The following VPS13B variants were observed in gnomAD, a reference collection of about 807,000 sequenced individuals.
The protein encoded by VPS13B is vacuolar protein sorting 13 homolog B.
A neutral mutation model predicts 426.4 loss-of-function variants in VPS13B; 285 were observed. That is an observed-to-expected ratio of 0.67 (90% confidence interval 0.61 to 0.74). The LOEUF is 0.74. Among genes scored for constraint, VPS13B ranks in the 30% least tolerant of loss-of-function variants. VPS13B has a pLI of 0.00. For missense variants in VPS13B, 4,537 were observed against 4,782.6 expected (o/e 0.95, Z 1.51); for synonymous variants, 1,676 against 1,676.4 (o/e 1.00, Z 0.01).
intron 28 of VPS13B, 100 bp downstream of exon 28, chr8:99,507,303 C>G: frequency 7.8e-7 from 1 of 1,283,020 alleles, no homozygotes; most frequent in Non-Finnish European, 1.1e-6. Flanking sequence ...AATTTGAGTT[C>G]AGAATAAATT....
intron 54 of VPS13B, among the ~76,000 whole-genome samples, chr8:99,838,682 A>G (rs1159967987): frequency 3.3e-5 from 5 of 152,208 alleles, no homozygotes; most frequent in Non-Finnish European, 7.3e-5. Context: ...AAGTAATTGC[A>G]CGGGTAGTTG....
chr8:99,409,982 CA>C (rs1427863508), intron 21 of VPS13B, among the ~76,000 whole-genome samples: 1 of 152,042 alleles, frequency 6.6e-6, no homozygotes, highest in Non-Finnish European at 1.5e-5. Context: ...TATGGGTATG[CA>C]AAGGCATACA....
At chr8:99,039,119 T>C (rs1842866800) in intron 3 of VPS13B, among the ~76,000 whole-genome samples, 1 of 152,216 alleles carries the variant, frequency 6.6e-6, no homozygotes, top group South Asian at 2.1e-4. Context: ...GCAGATTGCT[T>C]ATTACTTACA....
chr8:99,546,588 C>T (rs960857708), intron 30 of VPS13B, among the ~76,000 whole-genome samples: 3 of 151,964 alleles, frequency 2.0e-5, no homozygotes, highest in Admixed American at 6.6e-5. Context: ...GATTTATCTA[C>T]ATAATATTGA....
intron 33 of VPS13B, 83 bp downstream of exon 33, chr8:99,577,716 C>T (rs1825843644): frequency 2.7e-6 from 4 of 1,470,724 alleles, no homozygotes; most frequent in Non-Finnish European, 3.8e-6. Flanking sequence ...ATTAAGCTGA[C>T]TGCTTTCTGC....
intron 36 of VPS13B, among the ~76,000 whole-genome samples, chr8:99,708,249 G>A (rs1024822743): frequency 2.0e-5 from 3 of 151,868 alleles, no homozygotes; most frequent in African/African-American, 4.8e-5. Flanking sequence ...TGTAAAAACC[G>A]TGAGCATGGT....
chr8:99,190,367 A>G lies in VPS13B; in HGVS notation c.2334-2509A>G, dbSNP rs1813490514. ...CTTTTTTTTTTTAATATAATCGAAGAATCTCTTCCTTGAATTGGTATGCTT... is the reference window on the plus strand; with the variant it reads ...CTTTTTTTTTTTAATATAATCGAAGGATCTCTTCCTTGAATTGGTATGCTT... On this transcript the variant is annotated intron_variant, in intron 16 of 61. Coordinates refer to ENST00000357162, the MANE Select transcript of VPS13B (RefSeq NM_152564.5). 6.6e-5 allele frequency among the ~76,000 whole-genome samples: 10 copies of G among 151,878 alleles called. No homozygotes were observed. In the South Asian group the frequency reaches 2.1e-3, roughly 32 times the overall value.
At chr8:99,874,580 GCTAC>G (rs948432099) in intron 61 of VPS13B, among the ~76,000 whole-genome samples, 1 of 151,894 alleles carries the variant, frequency 6.6e-6, no homozygotes, top group African/African-American at 2.4e-5. Flanking sequence ...AAGTTTGGTG[GCTAC>G]CTGAGATTCA....
At chr8:99,123,946 AG>A (rs1387769584) in intron 8 of VPS13B, among the ~76,000 whole-genome samples, 1 of 152,210 alleles carries the variant, frequency 6.6e-6, no homozygotes, top group African/African-American at 2.4e-5. Flanking sequence ...ATATGGATCT[AG>A]AATTCAGATT....
intron 19 of VPS13B, among the ~76,000 whole-genome samples, chr8:99,325,749 T>C (rs1051421158): frequency 1.7e-5 from 1 of 59,106 alleles, no homozygotes; most frequent in East Asian, 3.5e-4. Context: ...TTTTGGGATA[T>C]CAGCTTTCAA....
Position 99,520,938 on chromosome 8 carries a change from T to C in VPS13B, c.4673T>C (p.Ile1558Thr), listed in dbSNP as rs138417551. ...AAAGAAGACACTGTGGTTTTGAAGA[T>C]TGGCTCTGTTGCCATGGCTCCCCAG... ...AAKEDTVVLK[I>T]GSVAMAPQAD... The change falls in exon 30 of 62, where the codon ATT becomes ACT. Residue 1558 changes from isoleucine (I) to threonine (T), a missense_variant. Around this residue, in one of 2 missense-constraint regions of VPS13B, gnomAD observed 4,311 missense variants for 4,474.3 expected, o/e 0.96. Coordinates refer to ENST00000357162, the MANE Select transcript of VPS13B (RefSeq NM_152564.5). 3 of 1,613,866 alleles carry C rather than the reference T, an allele frequency of 1.9e-6. No homozygotes were observed. Among genetic ancestry groups the C allele is most frequent in the East Asian group, 2.2e-5 (1 of 44,862 alleles).
In VPS13B at chr8:99,156,529, C is replaced by T. The variant is rs765582455; in HGVS notation, c.2014-20C>T. On this transcript the variant is annotated intron_variant, in intron 14 of 61. Coordinates refer to ENST00000357162, the MANE Select transcript of VPS13B (RefSeq NM_152564.5). Reference sequence around the variant, plus strand: ...ACTGCTCCACTTTTAAAATATAAAGCGAACACTATTATTTTCTAGAACTCA... The same window carrying T: ...ACTGCTCCACTTTTAAAATATAAAGTGAACACTATTATTTTCTAGAACTCA... 1.3e-5 allele frequency: 21 copies of T among 1,612,400 alleles called. No homozygotes were observed. Among genetic ancestry groups the T allele is most frequent in the Admixed American group, 1.0e-4 (6 of 59,982 alleles).
At chr8:99,075,394 C>T (rs917355682) in intron 3 of VPS13B, among the ~76,000 whole-genome samples, 3 of 152,052 alleles carry the variant, frequency 2.0e-5, no homozygotes, top group African/African-American at 7.2e-5. Flanking sequence ...GGGGAGGTAC[C>T]ACACACTTTT....
intron 39 of VPS13B, among the ~76,000 whole-genome samples, chr8:99,722,588 G>T (rs1032674796): frequency 2.0e-5 from 3 of 150,100 alleles, no homozygotes; most frequent in Non-Finnish European, 4.4e-5. Flanking sequence ...CTCACTGCAA[G>T]CTCCGCCTCC....
At chr8:99,504,699 G>A (rs551772802) in intron 27 of VPS13B, among the ~76,000 whole-genome samples, 232 of 152,270 alleles carry the variant, frequency 1.5e-3, no homozygotes, top group African/African-American at 5.3e-3. Context: ...GAGCACAGGA[G>A]AAGAGTAGAT....
intron 30 of VPS13B, among the ~76,000 whole-genome samples, chr8:99,525,735 T>C (rs1033671725): frequency 3.3e-5 from 5 of 152,046 alleles, no homozygotes; most frequent in Admixed American, 3.3e-4. Context: ...AGCTAATAAA[T>C]AAATCATATG....
intron 4 of VPS13B, among the ~76,000 whole-genome samples, chr8:99,102,285 GT>G (rs917121447): frequency 9.2e-5 from 14 of 151,654 alleles, no homozygotes; most frequent in Admixed American, 5.3e-4. Context: ...CCATACTTTT[GT>G]TTTTTCATTT....
At chr8:99,152,830 A>C (rs1015483323) in intron 14 of VPS13B, among the ~76,000 whole-genome samples, 1 of 152,072 alleles carries the variant, frequency 6.6e-6, no homozygotes, top group South Asian at 2.1e-4. Context: ...GATTAGTTTT[A>C]GTAAGGTATG....
At chr8:99,497,205 T>C (rs1588438867) in intron 25 of VPS13B, among the ~76,000 whole-genome samples, 1 of 140,950 alleles carries the variant, frequency 7.1e-6, no homozygotes, top group African/African-American at 2.6e-5. Context: ...TATTTATATA[T>C]TTAATATATA....
Sources: allele counts gnomAD v4.1 joint callset (sites outside exome capture counted in the v4.1 genomes callset), GRCh38; gene constraint gnomAD v4.1.1; regional missense constraint gnomAD v4.1.1; transcripts MANE v1.5; gene names NCBI Gene and HGNC (gene_info 2026-07-23, HGNC 2026-07-21).